Variants in GALNT12 observed in about 807,000 individuals in gnomAD.
The protein encoded by GALNT12 is polypeptide N-acetylgalactosaminyltransferase 12, also known as UDP-GalNAc:polypeptide N-acetylgalactosaminyltransferase 12.
Under a neutral mutation model 55.5 loss-of-function variants are expected in GALNT12, and 45 were observed. That is an observed-to-expected ratio of 0.81 (90% confidence interval 0.64 to 1.04). The LOEUF is 1.04. Ranked by LOEUF, GALNT12 falls within the 50% of genes least tolerant of loss-of-function variation. The pLI is 0.00. For missense variants in GALNT12, 709 were observed against 754.8 expected (o/e 0.94, Z 0.71); for synonymous variants, 304 against 312.2 (o/e 0.97, Z 0.28).
chr9:98,816,606 G>C (rs1275877491), intron 1 of GALNT12, among the ~76,000 whole-genome samples: 1 of 150,520 alleles, frequency 6.6e-6, no homozygotes, highest in East Asian at 1.9e-4. Context: ...TTTATTTTAG[G>C]TTTCACAGAA....
chr9:98,815,492 G>A (rs1002585870), intron 1 of GALNT12, among the ~76,000 whole-genome samples: 2 of 152,148 alleles, frequency 1.3e-5, no homozygotes, highest in Non-Finnish European at 2.9e-5. Context: ...CCCACCGTAA[G>A]TCAAGGGGCA....
Position 98,816,982 on chromosome 9 carries a change from G to T in GALNT12, c.372-6274G>T, listed in dbSNP as rs374123267. Reference sequence around the variant, plus strand: ...TGGGACTACAGGCACCAGCCACCACGCCTGGCTAATTTTTTGTATTTTTTT... The same window carrying T: ...TGGGACTACAGGCACCAGCCACCACTCCTGGCTAATTTTTTGTATTTTTTT... On this transcript the variant is annotated intron_variant, in intron 1 of 9. Transcript: ENST00000375011. Among the ~76,000 whole-genome samples the T allele has an allele frequency of 2.6e-5, 4 of 151,874 alleles. No individual in the cohort carries two copies. The East Asian group carries it at 7.7e-4, about 29-fold the overall frequency.
chr9:98,839,686 T>A (rs1393071592), intron 6 of GALNT12, among the ~76,000 whole-genome samples: 2 of 151,822 alleles, frequency 1.3e-5, no homozygotes, highest in Non-Finnish European at 2.9e-5. Flanking sequence ...GATCCATAGA[T>A]GCCAGTGCAG....
Position 98,831,879 on chromosome 9 carries a change from A to G in GALNT12, c.839A>G (p.Asp280Gly). ...NSGEPQIGGF[D>G]WRLVFTWHTV... is the part of the protein sequence containing the mutation. ...GGGGAGCCCCAGATCGGCGGTTTCGACTGGAGGCTGGTGTTCACGTGGCAC... is the reference window on the plus strand; with the variant it reads ...GGGGAGCCCCAGATCGGCGGTTTCGGCTGGAGGCTGGTGTTCACGTGGCAC... Residue 280 changes from aspartate (D) to glycine (G), a missense_variant, in exon 4 of 10, where the codon GAC (aspartate) becomes GGC (glycine). This residue lies in a region of GALNT12 where 315 missense variants were observed against 288.6 expected (regional missense o/e 1.09). Coordinates refer to ENST00000375011, the MANE Select transcript of GALNT12 (RefSeq NM_024642.5). 12 of 1,614,162 alleles carry G rather than the reference A, an allele frequency of 7.4e-6. No individual in the cohort carries two copies. Among genetic ancestry groups the G allele is most frequent in the Non-Finnish European group, 1.0e-5 (12 of 1,180,038 alleles).
chr9:98,823,572 T>C, intron 2 of GALNT12, 147 bp downstream of exon 2: 1 of 705,500 alleles, frequency 1.4e-6, no homozygotes, highest in Non-Finnish European at 2.5e-6. Flanking sequence ...TCAGGGATAG[T>C]AGCCCAGAAA....
At chr9:98,824,912 G>A (rs886996029) in intron 2 of GALNT12, among the ~76,000 whole-genome samples, 9 of 151,552 alleles carry the variant, frequency 5.9e-5, no homozygotes, top group African/African-American at 2.2e-4. Context: ...AAATCTCTCC[G>A]TGTGGACATT....
intron 5 of GALNT12, among the ~76,000 whole-genome samples, chr9:98,835,766 C>T (rs1028288326): frequency 9.2e-5 from 14 of 151,382 alleles, no homozygotes; most frequent in Non-Finnish European, 1.6e-4. Context: ...GACGGAGTCT[C>T]GCTCTGTCGC....
intron 1 of GALNT12, among the ~76,000 whole-genome samples, chr9:98,816,817 A>AT (rs35357602): frequency 0.015 from 1,091 of 73,048 alleles, 13 homozygotes; most frequent in South Asian, 0.028. Flanking sequence ...TGTCCAGCTA[A>AT]TTTTTTTTTT....
In GALNT12 at chr9:98,823,361, C is replaced by G. The variant is rs1014512076; in HGVS notation, c.477C>G (p.Val159=). ...CTCTCCTTCGGACAGTTTACAGTGTCCTTGAGACATCCCCGGATATCCTGC... is the reference window on the plus strand; with the variant it reads ...CTCTCCTTCGGACAGTTTACAGTGTGCTTGAGACATCCCCGGATATCCTGC... ...WSTLLRTVYS[V]LETSPDILLE... is the part of the protein sequence containing the mutation. Residue 159 remains valine, a synonymous_variant, in exon 2 of 10, where the codon GTC becomes GTG. Transcript: ENST00000375011. 15 of 1,614,022 alleles carry G rather than the reference C, an allele frequency of 9.3e-6. No individual in the cohort carries two copies. Among genetic ancestry groups the G allele is most frequent in the Non-Finnish European group, 2.5e-6 (3 of 1,179,970 alleles).
intron 3 of GALNT12, among the ~76,000 whole-genome samples, chr9:98,828,912 C>G (rs997616876): frequency 3.9e-5 from 6 of 152,246 alleles, no homozygotes; most frequent in African/African-American, 1.4e-4. Flanking sequence ...TCACTGCAAC[C>G]TCCGCCTCCC....
At position 98,849,393 on chromosome 9, in the gene GALNT12, A is replaced by G. The variant is rs1323301592; in HGVS notation, c.*301A>G. 1.1e-5 allele frequency: 6 copies of G among 567,594 alleles called. No homozygotes were observed. The highest frequency in any genetic ancestry group is 9.4e-5 in the African/African-American group (5 of 53,474). The allele number at this position is 567,594 out of a possible 1,614,324, so 35.2% of individuals were successfully genotyped here. On this transcript the variant is annotated 3_prime_UTR_variant, in exon 10 of 10. Transcript: ENST00000375011. ...TTATAATATTTTTCTATCAAGATGT[A>G]TATTTTACAGTCGTGCCTTTTACTC... is the stretch of plus-strand genomic sequence containing the variant.
rs1416100156 is a variant in GALNT12 at position 98,831,849 on chromosome 9, A to T, written c.809A>T (p.Asn270Ile). The T allele has an allele frequency of 1.2e-6, 2 of 1,614,036 alleles. No homozygotes were observed. The highest frequency in any genetic ancestry group is 1.7e-6 in the Non-Finnish European group (2 of 1,180,012). ...IDWNTFEYLG[N>I]SGEPQIGGFD... Reference sequence around the variant, plus strand: ...TGGAACACCTTCGAATACCTGGGGAACTCCGGGGAGCCCCAGATCGGCGGT... The same window carrying T: ...TGGAACACCTTCGAATACCTGGGGATCTCCGGGGAGCCCCAGATCGGCGGT... Residue 270 changes from asparagine to isoleucine, a missense_variant, in exon 4 of 10, where the codon AAC (asparagine) becomes ATC (isoleucine). By Grantham distance (149) the Asn-to-Ile change is moderately radical. This residue lies in a region of GALNT12 where 315 missense variants were observed against 288.6 expected (regional missense o/e 1.09). Transcript: ENST00000375011.
intron 3 of GALNT12, among the ~76,000 whole-genome samples, chr9:98,828,871 C>A (rs909416220): frequency 5.3e-5 from 8 of 152,066 alleles, no homozygotes; most frequent in African/African-American, 1.9e-4. Flanking sequence ...ACTCTGTCAC[C>A]CAGGCTGGAG....
At chr9:98,829,527 T>G (rs1483114404) in intron 3 of GALNT12, among the ~76,000 whole-genome samples, 1 of 151,682 alleles carries the variant, frequency 6.6e-6, no homozygotes, top group Non-Finnish European at 1.5e-5. Context: ...TTTTTTTTTT[T>G]TACTATAGTC....
rs201412391 is a variant in GALNT12, at chr9:98,837,914, A to G, written c.1212+766A>G. ...ACAAATCAATTTTATTATAGCATGT[A>G]GGGAAATTCAGATACAGAACCAGTA... On this transcript the variant is annotated intron_variant, in intron 6 of 9. Coordinates refer to ENST00000375011, the MANE Select transcript of GALNT12 (RefSeq NM_024642.5). 1.3e-4 allele frequency among the ~76,000 whole-genome samples: 20 copies of G among 152,350 alleles called. No homozygotes were observed. In the East Asian group the frequency reaches 3.5e-3, roughly 26 times the overall value.
chr9:98,831,983 T>G (rs1256114324), intron 4 of GALNT12, 26 bp downstream of exon 4: 1 of 1,599,666 alleles, frequency 6.3e-7, no homozygotes, highest in African/African-American at 1.3e-5. Context: ...CTGGGTGACT[T>G]GTTTTTTAAG....
At chr9:98,808,098 C>A in intron 1 of GALNT12, 29 bp downstream of exon 1, 2 of 1,532,278 alleles carry the variant, frequency 1.3e-6, no homozygotes, top group Non-Finnish European at 1.8e-6. Flanking sequence ...GGAGGAAGCC[C>A]GCCCTCAGAG....
At chr9:98,829,878 T>G (rs1835952280) in intron 3 of GALNT12, among the ~76,000 whole-genome samples, 1 of 152,238 alleles carries the variant, frequency 6.6e-6, no homozygotes, top group African/African-American at 2.4e-5. Context: ...CATCTGTTGA[T>G]GGACACTTCG....
chr9:98,813,266 C>G lies in GALNT12; in HGVS notation c.371+5197C>G, dbSNP rs539363040. ...TAGTTTGACATTTGAAGGTATTATT[C>G]CCTTGTCATCTGGTTTGCACCATTG... On this transcript the variant is annotated intron_variant, in intron 1 of 9. Transcript: ENST00000375011. Among the ~76,000 whole-genome samples the G allele has an allele frequency of 1.4e-4, 22 of 152,324 alleles. No homozygotes were observed. The South Asian group carries it at 1.7e-3, about 11-fold the overall frequency.
Sources: gnomAD v4.1 joint callset for allele counts (sites outside exome capture counted in the v4.1 genomes callset) on GRCh38, gnomAD v4.1.1 for gene constraint, gnomAD v4.1.1 regional missense constraint, MANE v1.5 for transcripts, NCBI Gene and HGNC (gene_info 2026-07-23, HGNC 2026-07-21) for gene names.